The following MTSS1 variants were observed in gnomAD, a reference collection of about 807,000 sequenced individuals.
MTSS1 encodes the protein protein MTSS 1.
In MTSS1, 18 loss-of-function variants were observed where a neutral mutation model predicts 79.0. The observed-to-expected ratio is 0.23, with a 90% CI of 0.16 to 0.34. The LOEUF (loss-of-function observed/expected upper bound fraction) is 0.34. MTSS1 is among the 10% of genes least tolerant of loss of function. MTSS1 has a pLI of 1.00. For synonymous variants in MTSS1, 341 were observed against 368.6 expected (o/e 0.93, Z 0.86); for missense variants, 815 against 986.2 (o/e 0.83, Z 2.33).
At chr8:124,672,053 C>A (rs756668365) in intron 3 of MTSS1, among the ~76,000 whole-genome samples, 5 of 152,200 alleles carry the variant, frequency 3.3e-5, no homozygotes, top group African/African-American at 4.8e-5. Context: ...ACAGAGATAT[C>A]AGTTGGAATG....
intron 6 of MTSS1, among the ~76,000 whole-genome samples, chr8:124,570,503 A>G (rs1010400129): frequency 4.6e-5 from 7 of 152,156 alleles, no homozygotes; most frequent in African/African-American, 9.7e-5. Flanking sequence ...TTCTATTATT[A>G]TTGTTGTTAA....
At chr8:124,579,644 T>C (rs921715213) in intron 6 of MTSS1, 1 of 152,216 alleles carries the variant, frequency 6.6e-6, no homozygotes, top group Admixed American at 6.5e-5. Flanking sequence ...ATGATCCTTT[T>C]TAAAGTTGGG....
At chr8:124,557,482 G>A (rs894789472) in intron 11 of MTSS1, among the ~76,000 whole-genome samples, 199 bp downstream of exon 11, 2 of 152,192 alleles carry the variant, frequency 1.3e-5, no homozygotes, top group Admixed American at 6.5e-5. Context: ...AGCTACCTGT[G>A]GAAATTGCTG....
At chr8:124,697,489 A>T (rs948669614) in intron 3 of MTSS1, among the ~76,000 whole-genome samples, 45 of 152,044 alleles carry the variant, frequency 3.0e-4, no homozygotes, top group African/African-American at 1.1e-3. Flanking sequence ...GAATGTGGGG[A>T]GGCAGAGGTT....
At chr8:124,616,071 C>T (rs967616834) in intron 3 of MTSS1, among the ~76,000 whole-genome samples, 9 of 152,238 alleles carry the variant, frequency 5.9e-5, no homozygotes, top group African/African-American at 1.9e-4. Context: ...GCCACCTCCG[C>T]CTCCAACTGA....
chr8:124,667,542 GCT>G (rs1185886091), intron 3 of MTSS1, among the ~76,000 whole-genome samples: 1 of 152,164 alleles, frequency 6.6e-6, no homozygotes, highest in Non-Finnish European at 1.5e-5. Flanking sequence ...TACTCAGGAG[GCT>G]GAGGCAGGAG....
intron 6 of MTSS1, among the ~76,000 whole-genome samples, chr8:124,571,215 A>G (rs550863059): frequency 6.6e-6 from 1 of 152,322 alleles, no homozygotes; most frequent in African/African-American, 2.4e-5. Context: ...TGCTCTGTTC[A>G]CAGAGACCCA....
At chr8:124,620,442 C>T (rs942377366) in intron 3 of MTSS1, among the ~76,000 whole-genome samples, 26 of 152,292 alleles carry the variant, frequency 1.7e-4, no homozygotes, top group African/African-American at 3.6e-4. Flanking sequence ...TGGAGGGCAT[C>T]GGACTGGCTC....
chr8:124,621,257 T>C (rs946041737), intron 3 of MTSS1, among the ~76,000 whole-genome samples: 3 of 152,254 alleles, frequency 2.0e-5, no homozygotes, highest in African/African-American at 7.2e-5. Context: ...TGAGTCACAA[T>C]ATCCCTGCAG....
intron 3 of MTSS1, among the ~76,000 whole-genome samples, chr8:124,651,970 A>G (rs1252568946): frequency 1.3e-5 from 2 of 152,072 alleles, no homozygotes; most frequent in Non-Finnish European, 2.9e-5. Context: ...TTCTCCCTAA[A>G]GGATTTTCAG....
At chr8:124,588,296 C>T (rs73341843) in intron 5 of MTSS1, among the ~76,000 whole-genome samples, 5,499 of 152,268 alleles carry the variant, frequency 0.036, 335 homozygotes, top group African/African-American at 0.12. Flanking sequence ...TTGCAGTCTT[C>T]TACTTTGCTT....
Position 124,652,719 on chromosome 8 carries a change from C to T in MTSS1, c.208+46807G>A, listed in dbSNP as rs188019683. On this transcript the variant is annotated intron_variant, in intron 3 of 13. Transcript: ENST00000518547. ...CTGAGGCAGGAGAATCACTTGAACCCGGGAAGCGGAGGTTTCAGTGAGCCG... is the reference window on the plus strand; with the variant it reads ...CTGAGGCAGGAGAATCACTTGAACCTGGGAAGCGGAGGTTTCAGTGAGCCG... Among the ~76,000 whole-genome samples the T allele has an allele frequency of 8.3e-3, 1,214 of 145,852 alleles. 13 individuals are homozygous for T. Among genetic ancestry groups the T allele is most frequent in the African/African-American group, 0.029 (1,122 of 38,948 alleles).
At chr8:124,670,213 T>C (rs1823863989) in intron 3 of MTSS1, among the ~76,000 whole-genome samples, 1 of 152,190 alleles carries the variant, frequency 6.6e-6, no homozygotes, top group Admixed American at 6.5e-5. Flanking sequence ...AAGGCCCTCC[T>C]GAGGTTATAT....
chr8:124,591,888 C>A (rs891972083), intron 3 of MTSS1, among the ~76,000 whole-genome samples: 1 of 152,044 alleles, frequency 6.6e-6, no homozygotes, highest in Non-Finnish European at 1.5e-5. Context: ...TCAAACAATT[C>A]TCCTGCCTCA....
chr8:124,568,963 G>C, intron 6 of MTSS1: 1 of 743,004 alleles, frequency 1.3e-6, no homozygotes, highest in South Asian at 3.2e-5. Context: ...TGGCTTTGTT[G>C]GGTCAATCTC....
At chr8:124,692,258 G>C (rs996406915) in intron 3 of MTSS1, among the ~76,000 whole-genome samples, 3 of 151,864 alleles carry the variant, frequency 2.0e-5, no homozygotes, top group African/African-American at 7.3e-5. Flanking sequence ...TCTAACTCCT[G>C]ACATCAAGTG....
At chr8:124,642,650 T>C (rs1279793193) in intron 3 of MTSS1, among the ~76,000 whole-genome samples, 1 of 152,184 alleles carries the variant, frequency 6.6e-6, no homozygotes, top group Non-Finnish European at 1.5e-5. Context: ...TGCATTGCAA[T>C]GGCATGATCT....
intron 5 of MTSS1, among the ~76,000 whole-genome samples, chr8:124,588,382 G>A (rs1458945762): frequency 1.3e-5 from 2 of 152,228 alleles, no homozygotes; most frequent in Admixed American, 6.5e-5. Context: ...CGCCTAGCAT[G>A]TAAAAAGCAT....
Position 124,567,128 on chromosome 8 carries a change from C to G in MTSS1, c.669G>C (p.Ser223=). The G allele has an allele frequency of 1.9e-6, 3 of 1,614,118 alleles. No individual in the cohort carries two copies. The highest frequency in any genetic ancestry group is 2.5e-6 in the Non-Finnish European group (3 of 1,179,984). Residue 223 remains serine (S), a synonymous_variant, in exon 8 of 14, where the codon TCG becomes TCC. Transcript: ENST00000518547. ...CCATGGTCAGGCTTTTTAGATCTTC[C>G]GAGATGGTCTGAAGGTGGGTTATTT... ...LGEITHLQTI[S]EDLKSLTMDP...
Sources: allele counts gnomAD v4.1 joint callset (sites outside exome capture counted in the v4.1 genomes callset), GRCh38; gene constraint gnomAD v4.1.1; transcripts MANE v1.5; gene names NCBI Gene and HGNC (gene_info 2026-07-23, HGNC 2026-07-21).